The following TTC21A variants were observed in gnomAD, a reference collection of about 807,000 sequenced individuals.
TTC21A encodes tetratricopeptide repeat protein 21A.
TTC21A carries 128 observed loss-of-function variants against 156.4 expected under a neutral mutation model. The observed-to-expected ratio is 0.82, with a 90% CI of 0.71 to 0.95. The LOEUF (loss-of-function observed/expected upper bound fraction) is 0.95, where lower values mean the gene tolerates loss of function less well. Among genes scored for constraint, TTC21A ranks in the 40% least tolerant of loss-of-function variants. The pLI is 0.00. For synonymous variants in TTC21A, 587 were observed against 617.1 expected, an observed-to-expected ratio of 0.95 and a Z score of 0.72; for missense variants, 1,435 against 1,602.3, an observed-to-expected ratio of 0.90 and a Z score of 1.78.
rs1014471977 is a variant in TTC21A, at chr3:39,114,154, A to G, written c.559-431A>G. On this transcript the variant is annotated intron_variant, in intron 5 of 28. Coordinates refer to ENST00000683103, the MANE Select transcript of TTC21A (RefSeq NM_001366900.1). ...ATAGAAGTAGTTGCCAGAAAACCCT[A>G]ACTGACTCAGAATTGCTAAACTGGG... 5.9e-5 allele frequency among the ~76,000 whole-genome samples: 9 copies of G among 152,214 alleles called. No homozygotes were observed. In the South Asian group the frequency reaches 1.4e-3, roughly 25 times the overall value.
At chr3:39,136,762 G>A (rs1475411945) in intron 23 of TTC21A, 137 bp from the exon 24 acceptor site, 11 of 1,210,168 alleles carry the variant, frequency 9.1e-6, no homozygotes, top group East Asian at 7.1e-5. Context: ...TCCGACGCCC[G>A]CATCTCCTCC....
intron 6 of TTC21A, among the ~76,000 whole-genome samples, chr3:39,116,416 G>T (rs1023092780): frequency 8.6e-5 from 13 of 151,732 alleles, no homozygotes; most frequent in Non-Finnish European, 1.8e-4. Flanking sequence ...TAATAAAATA[G>T]AAATTTTGTA....
At chr3:39,109,244 C>T in intron 2 of TTC21A, 30 bp downstream of exon 2, 1 of 1,599,360 alleles carries the variant, frequency 6.3e-7, no homozygotes, top group Non-Finnish European at 8.6e-7. Flanking sequence ...GGTCTTGTGA[C>T]CCCAGGCACT....
Position 39,134,753 on chromosome 3 carries a change from C to G in TTC21A, c.2863-340C>G. 1 of 489,546 alleles carries G rather than the reference C, an allele frequency of 2.0e-6. No individual in the cohort carries two copies. Among genetic ancestry groups the G allele is most frequent in the Non-Finnish European group, 3.7e-6 (1 of 267,840 alleles). 30.3% of individuals were successfully genotyped at this position (489,546 alleles called of 1,614,324 possible). ...AGCAAGGAGGGGTCCTCATCCCTAC[C>G]TCTATTGCCTGGCAGTTCTCAGAAT... On this transcript the variant is annotated intron_variant, in intron 21 of 28. Coordinates refer to ENST00000683103, the MANE Select transcript of TTC21A (RefSeq NM_001366900.1). The surrounding 1 kb of genome is among the most constrained non-coding windows in gnomAD (Gnocchi z 4.6).
At chr3:39,123,111 G>A (rs1011903309) in intron 9 of TTC21A, among the ~76,000 whole-genome samples, 2 of 152,186 alleles carry the variant, frequency 1.3e-5, no homozygotes, top group African/African-American at 2.4e-5. Flanking sequence ...TTCAGTGTTT[G>A]GAGAGGCTAT....
chr3:39,108,602 C>T (rs1283163252), intron 1 of TTC21A, among the ~76,000 whole-genome samples: 4 of 152,170 alleles, frequency 2.6e-5, no homozygotes, highest in Non-Finnish European at 5.9e-5. Flanking sequence ...ACCCACAAAC[C>T]TTAGAGGAAG....
chr3:39,119,049 C>G (rs1055653951), intron 7 of TTC21A: 1 of 152,216 alleles, frequency 6.6e-6, no homozygotes, highest in Non-Finnish European at 1.5e-5. Flanking sequence ...CCTAAGCAGG[C>G]CTTCCTGGGG....
rs75179220 is a variant in TTC21A at position 39,114,003 on chromosome 3, C to T, written c.559-582C>T. On this transcript the variant is annotated intron_variant, in intron 5 of 28. Coordinates refer to ENST00000683103, the MANE Select transcript of TTC21A (RefSeq NM_001366900.1). ...TCTTTTAGAAGCATTGCCCCCTGGC[C>T]CTTAGGGCACCTGTGTCATGACCCT... Among the ~76,000 whole-genome samples the T allele has an allele frequency of 9.4e-3, 1,429 of 152,316 alleles. 22 individuals are homozygous for T. The highest frequency in any genetic ancestry group is 0.033 in the African/African-American group (1,356 of 41,576).
chr3:39,128,909 G>A lies in TTC21A; in HGVS notation c.1873G>A (p.Ala625Thr). Residue 625 changes from alanine to threonine, a missense_variant, in exon 14 of 29, where the codon GCC (alanine) becomes ACC (threonine). Coordinates refer to ENST00000683103, the MANE Select transcript of TTC21A (RefSeq NM_001366900.1). The stretch of plus-strand genomic sequence containing the variant: ...ATCCATCTTATTGGAACTGGTGGAG[G>A]CCCTCCGGCTGAATGGGGAGCTAGT... ...RASILLELVE[A>T]LRLNGELHEA... 6.2e-7 allele frequency: 1 copy of A among 1,614,206 alleles called. No individual in the cohort carries two copies. The highest frequency in any genetic ancestry group is 1.7e-5 in the Admixed American group (1 of 60,036).
At chr3:39,132,858 C>A in intron 19 of TTC21A, 194 bp from the exon 20 acceptor site, 1 of 610,732 alleles carries the variant, frequency 1.6e-6, no homozygotes, top group Non-Finnish European at 2.9e-6. Context: ...CTGCTCCTGC[C>A]CCCAGAGGCA....
At position 39,107,824 on chromosome 3, in the gene TTC21A, G is replaced by C; in HGVS notation, c.-14G>C. 1 of 1,612,606 alleles carries C rather than the reference G, an allele frequency of 6.2e-7. No individual in the cohort carries two copies. On this transcript the variant is annotated 5_prime_UTR_variant, in exon 1 of 29. Coordinates refer to ENST00000683103, the MANE Select transcript of TTC21A (RefSeq NM_001366900.1). Reference sequence around the variant, plus strand: ...CCCCACCAGACCCGGACTCGGAGCCGCGAGCGGCCCGAGATGAGCAGCAAT... The same window carrying C: ...CCCCACCAGACCCGGACTCGGAGCCCCGAGCGGCCCGAGATGAGCAGCAAT...
chr3:39,120,115 C>T, intron 8 of TTC21A, 95 bp downstream of exon 8: 1 of 857,502 alleles, frequency 1.2e-6, no homozygotes, highest in Non-Finnish European at 1.9e-6. Context: ...GAGTGCCTTA[C>T]CCCTCCCTTC....
At position 39,118,329 on chromosome 3, in the gene TTC21A, A is replaced by G; in HGVS notation, c.801+176A>G. 4.7e-6 allele frequency: 3 copies of G among 636,820 alleles called. No homozygotes were observed. In the South Asian group the frequency reaches 5.5e-5, roughly 12 times the overall value. The allele number at this position is 636,820 out of a possible 1,614,324, so 39.4% of individuals were successfully genotyped here. A position where few individuals can be genotyped will look rare whatever the true frequency, so the allele number is the denominator to read the frequency against. On this transcript the variant is annotated intron_variant, in intron 7 of 28. Coordinates refer to ENST00000683103, the MANE Select transcript of TTC21A (RefSeq NM_001366900.1). The stretch of plus-strand genomic sequence containing the variant: ...AGGCCTGCTCTGGTTTGACTCTTTG[A>G]GTTGTGTAGCTTGGGAGTCAGGCAG...
chr3:39,125,622 GC>G, intron 11 of TTC21A, 90 bp downstream of exon 11: 1 of 973,766 alleles, frequency 1.0e-6, no homozygotes, highest in Non-Finnish European at 1.6e-6. Flanking sequence ...ACCTTACTTG[GC>G]CAGTCACAAG....
chr3:39,110,862 A>G lies in TTC21A; in HGVS notation c.280A>G (p.Ile94Val). 1 of 1,613,914 alleles carries G rather than the reference A, an allele frequency of 6.2e-7. No individual in the cohort carries two copies. The highest frequency in any genetic ancestry group is 8.5e-7 in the Non-Finnish European group (1 of 1,180,020). The change falls in exon 4 of 29, where the codon ATT (isoleucine) becomes GTT (valine). Residue 94 changes from isoleucine to valine, a missense_variant. Coordinates refer to ENST00000683103, the MANE Select transcript of TTC21A (RefSeq NM_001366900.1). ...KRCEIIDREA[I>V]QELEYSLKEI... ...TCTTGGATTTACAGACCGAGAAGCA[A>G]TTCAGGAGCTTGAGTACAGCCTGAA...
chr3:39,119,828 C>G (rs541880250), intron 7 of TTC21A, 94 bp from the exon 8 acceptor site: 1 of 816,418 alleles, frequency 1.2e-6, no homozygotes, highest in African/African-American at 1.8e-5. Context: ...TTTAAATCTC[C>G]CAGCTGATGC....
At position 39,125,067 on chromosome 3, in the gene TTC21A, C is replaced by G. The variant is rs1262341396; in HGVS notation, c.1098C>G (p.Ile366Met). The change falls in exon 10 of 29, where the codon ATC (isoleucine) becomes ATG (methionine). Residue 366 changes from isoleucine (I) to methionine (M), a missense_variant. Ile to Met is a conservative substitution (Grantham distance 10, BLOSUM62 1). Transcript: ENST00000683103. Reference protein sequence around the residue: ...DKDGMAGLTGIILCHILEGHL... With the variant: ...DKDGMAGLTGMILCHILEGHL... The stretch of plus-strand genomic sequence containing the variant: ...ATTGTTTTGTCCCATTTACAGGGAT[C>G]ATCTTGTGTCATATCTTAGAAGGCC... The G allele has an allele frequency of 5.6e-6, 9 of 1,609,418 alleles. No homozygotes were observed. Among genetic ancestry groups the G allele is most frequent in the Non-Finnish European group, 7.7e-6 (9 of 1,175,752 alleles).
At chr3:39,108,974 A>G in intron 1 of TTC21A, 111 bp from the exon 2 acceptor site, 1 of 1,238,848 alleles carries the variant, frequency 8.1e-7, no homozygotes, top group Non-Finnish European at 1.1e-6. Context: ...TTCCCTTTGC[A>G]GAACTGAGGA....
At chr3:39,124,658 C>CAAAAAAAA (rs60845030) in intron 9 of TTC21A, among the ~76,000 whole-genome samples, 7 of 71,074 alleles carry the variant, frequency 9.8e-5, no homozygotes, top group Middle Eastern at 0.01. Flanking sequence ...AACTCCGTCT[C>CAAAAAAAA]AAAAAAAAAA....
Sources: gnomAD v4.1 joint callset for allele counts (sites outside exome capture counted in the v4.1 genomes callset) on GRCh38, gnomAD v4.1.1 for gene constraint, Gnocchi (gnomAD v3.1) non-coding constraint, MANE v1.5 for transcripts, NCBI Gene and HGNC (gene_info 2026-07-23, HGNC 2026-07-21) for gene names.